The following PPM1L variants were observed in gnomAD, a reference collection of about 807,000 sequenced individuals.
PPM1L encodes protein phosphatase, Mg2+/Mn2+ dependent 1L, also known as protein phosphatase 1L.
A neutral mutation model predicts 31.4 loss-of-function variants in PPM1L; 13 were observed. That is an observed-to-expected ratio of 0.41 (90% CI 0.27 to 0.66). The LOEUF is 0.66. Ranked by LOEUF, PPM1L falls within the 30% of genes least tolerant of loss-of-function variation. The probability of loss-of-function intolerance (pLI) is 0.29; values close to 1 mark genes in which losing one functional copy is unlikely to be tolerated. For missense variants in PPM1L, 326 were observed against 453.7 expected (o/e 0.72, Z 2.56); for synonymous variants, 184 against 175.4 (o/e 1.05, Z -0.39).
chr3:160,844,207 T>C (rs1713999713), intron 1 of PPM1L, among the ~76,000 whole-genome samples: 1 of 152,196 alleles, frequency 6.6e-6, no homozygotes, highest in South Asian at 2.1e-4. Flanking sequence ...TCTTTTCTCT[T>C]TACATAAGTG....
chr3:160,816,574 A>G (rs1401158697), intron 1 of PPM1L, among the ~76,000 whole-genome samples: 1 of 151,544 alleles, frequency 6.6e-6, no homozygotes. Context: ...TTAATTTTAT[A>G]TTGAAGACAT....
intron 2 of PPM1L, among the ~76,000 whole-genome samples, chr3:161,048,193 C>T (rs549622064): frequency 1.3e-5 from 2 of 152,324 alleles, no homozygotes; most frequent in African/African-American, 4.8e-5. Context: ...ACTTATCTGA[C>T]AAAGGGCTAA....
chr3:161,033,699 G>C (rs1392081575), intron 2 of PPM1L, among the ~76,000 whole-genome samples: 1 of 152,150 alleles, frequency 6.6e-6, no homozygotes, highest in Non-Finnish European at 1.5e-5. Flanking sequence ...ACTCGAGATG[G>C]ATTAAAGACT....
intron 1 of PPM1L, among the ~76,000 whole-genome samples, chr3:160,758,929 C>G (rs1714889570): frequency 6.6e-6 from 1 of 152,084 alleles, no homozygotes; most frequent in African/African-American, 2.4e-5. Flanking sequence ...TTCATAATCC[C>G]TTATCGTATG....
At chr3:160,988,269 C>T (rs1179684278) in intron 2 of PPM1L, among the ~76,000 whole-genome samples, 3 of 151,864 alleles carry the variant, frequency 2.0e-5, no homozygotes, top group Non-Finnish European at 4.4e-5. Context: ...GTGAGGTCTG[C>T]AAACATTCAG....
chr3:160,893,948 C>G (rs1004728589), intron 1 of PPM1L, among the ~76,000 whole-genome samples: 5 of 152,134 alleles, frequency 3.3e-5, no homozygotes, highest in Non-Finnish European at 2.9e-5. Flanking sequence ...ATAGTCAACA[C>G]TTTTTTATAA....
At position 161,069,183 on chromosome 3, in the gene PPM1L, A is replaced by C; in HGVS notation, c.*26A>C. 2 of 1,537,190 alleles carry C rather than the reference A, an allele frequency of 1.3e-6. 1 individual carries two copies. Among genetic ancestry groups the C allele is most frequent in the Middle Eastern group, 3.5e-4 (2 of 5,740 alleles). On this transcript the variant is annotated 3_prime_UTR_variant, in exon 4 of 4. Transcript: ENST00000498165. ...ACCCTTCAGGGGTCTCAGCTGCCTT[A>C]GACTAAAGGACTTTCAACACACTGG...
At chr3:160,954,386 A>G (rs1715668495) in intron 1 of PPM1L, among the ~76,000 whole-genome samples, 1 of 151,838 alleles carries the variant, frequency 6.6e-6, no homozygotes, top group Non-Finnish European at 1.5e-5. Flanking sequence ...GTTTTTGAAA[A>G]TGTCTCACCC....
At chr3:160,950,197 C>T (rs1160813036) in intron 1 of PPM1L, among the ~76,000 whole-genome samples, 3 of 152,114 alleles carry the variant, frequency 2.0e-5, no homozygotes, top group Non-Finnish European at 4.4e-5. Flanking sequence ...TGTCAATCCA[C>T]CTCCTTGTAG....
chr3:161,044,265 C>A (rs1718992004), intron 2 of PPM1L, among the ~76,000 whole-genome samples: 1 of 152,024 alleles, frequency 6.6e-6, no homozygotes, highest in African/African-American at 2.4e-5. Context: ...GTCTTGAACT[C>A]CTGACCTCAA....
chr3:160,954,243 A>T (rs1483767979), intron 1 of PPM1L, among the ~76,000 whole-genome samples: 3 of 152,208 alleles, frequency 2.0e-5, no homozygotes, highest in Non-Finnish European at 4.4e-5. Context: ...AGAATTTGGA[A>T]AACTTTAGAG....
Position 160,756,231 on chromosome 3 carries a change from G to A in PPM1L, c.-78G>A. On this transcript the variant is annotated 5_prime_UTR_variant, in exon 1 of 4. Transcript: ENST00000498165. This position sits in a 1 kb window ranked among gnomAD's most constrained non-coding sequence, Gnocchi z 6.2. ...TGCTCCGCCTCCCTCCCGGCGGGCTGTCCCCGCAGTGCTCCCGGACCCGGC... is the reference window on the plus strand; with the variant it reads ...TGCTCCGCCTCCCTCCCGGCGGGCTATCCCCGCAGTGCTCCCGGACCCGGC... 1 of 1,499,516 alleles carries A rather than the reference G, an allele frequency of 6.7e-7. No homozygotes were observed. The highest frequency in any genetic ancestry group is 2.3e-5 in the East Asian group (1 of 44,020). The allele number at this position is 1,499,516 out of a possible 1,614,324, so 92.9% of individuals were successfully genotyped here. A position where few individuals can be genotyped will look rare whatever the true frequency, so the allele number is the denominator to read the frequency against.
chr3:161,049,929 C>T (rs1158569309), intron 2 of PPM1L, among the ~76,000 whole-genome samples: 12 of 152,166 alleles, frequency 7.9e-5, no homozygotes, highest in Admixed American at 7.9e-4. Flanking sequence ...TCAAAGCTTC[C>T]CATGCAGCAA....
chr3:160,982,601 C>A (rs1236014416), intron 2 of PPM1L, among the ~76,000 whole-genome samples: 1 of 152,158 alleles, frequency 6.6e-6, no homozygotes, highest in Non-Finnish European at 1.5e-5. Context: ...ATGTTCGACC[C>A]AGCAGTTGCC....
chr3:160,798,185 A>AAAAC (rs961335368), intron 1 of PPM1L, among the ~76,000 whole-genome samples: 22 of 147,238 alleles, frequency 1.5e-4, no homozygotes, highest in African/African-American at 4.0e-4. Flanking sequence ...TAAAAAAACA[A>AAAAC]AAACAAACAA....
intron 1 of PPM1L, among the ~76,000 whole-genome samples, chr3:160,920,686 A>G (rs577267235): frequency 2.0e-5 from 3 of 148,426 alleles, no homozygotes; most frequent in Non-Finnish European, 4.4e-5. Flanking sequence ...ATCTGAGAGT[A>G]TTTGTTTCGG....
intron 2 of PPM1L, among the ~76,000 whole-genome samples, chr3:161,015,672 T>G (rs1055702870): frequency 6.6e-6 from 1 of 152,156 alleles, no homozygotes; most frequent in East Asian, 1.9e-4. Context: ...CTGGATTCAG[T>G]GGTTCTCTTG....
intron 2 of PPM1L, among the ~76,000 whole-genome samples, chr3:161,023,977 T>C (rs1215229166): frequency 6.6e-6 from 1 of 152,216 alleles, no homozygotes; most frequent in Non-Finnish European, 1.5e-5. Flanking sequence ...TCCCAAATCT[T>C]CCCCTTAAGA....
intron 1 of PPM1L, among the ~76,000 whole-genome samples, chr3:160,778,181 C>A (rs1335681445): frequency 6.6e-6 from 1 of 150,394 alleles, no homozygotes; most frequent in African/African-American, 2.5e-5. Context: ...TTCTGTATGT[C>A]ATCTTTGGAG....
Sources: gnomAD v4.1 joint callset for allele counts (sites outside exome capture counted in the v4.1 genomes callset) on GRCh38, gnomAD v4.1.1 for gene constraint, Gnocchi (gnomAD v3.1) non-coding constraint, MANE v1.5 for transcripts, NCBI Gene and HGNC (gene_info 2026-07-23, HGNC 2026-07-21) for gene names.